Variants in LACC1 observed in about 807,000 individuals in gnomAD.
The protein encoded by LACC1 is laccase domain multifunctional purine nucleosidase 1, also known as purine nucleoside phosphorylase LACC1.
In LACC1, 25 loss-of-function variants were observed where a neutral mutation model predicts 34.8. The ratio of observed to expected loss-of-function variants is 0.72; its 90% confidence interval spans 0.52 to 1.00. The LOEUF is 1.00. Among genes scored for constraint, LACC1 ranks in the 50% least tolerant of loss-of-function variants. The probability of loss-of-function intolerance (pLI) is 0.00; values close to 1 mark genes in which losing one functional copy is unlikely to be tolerated. For synonymous variants in LACC1, 162 were observed against 168.0 expected (o/e 0.96, Z 0.28); for missense variants, 426 against 511.2 (o/e 0.83, Z 1.61).
At position 43,881,433 on chromosome 13, in the gene LACC1, A is replaced by G. The variant is rs1274542932; in HGVS notation, c.448A>G (p.Asn150Asp). 1 of 1,614,150 alleles carries G rather than the reference A, an allele frequency of 6.2e-7. No homozygotes were observed. Among genetic ancestry groups the G allele is most frequent in the East Asian group, 2.2e-5 (1 of 44,874 alleles). ...GCTTTTTAAACAGTCCATTGAAATA[A>G]ACGTAATCACAGCTCAAGAACTAAG... ...GGLFKQSIEI[N>D]VITAQELRGI... is the part of the protein sequence containing the mutation. Residue 150 changes from asparagine (N) to aspartate (D), a missense_variant, in exon 2 of 7, where the codon AAC (asparagine) becomes GAC (aspartate). Physicochemically the swap from Asn to Asp is conservative, Grantham distance 23. Coordinates refer to ENST00000325686, the MANE Select transcript of LACC1 (RefSeq NM_153218.4).
rs144163555 is a variant in LACC1 at position 43,883,887 on chromosome 13, G to A, written c.858G>A (p.Pro286=). The change falls in exon 4 of 7, where the codon CCG becomes CCA. Residue 286 remains proline (P), a synonymous_variant. Coordinates refer to ENST00000325686, the MANE Select transcript of LACC1 (RefSeq NM_153218.4). ...CAGCTCTTGGTGCAGACTGTATACC[G>A]ATAGTTTTTGCAGATCCAGTCAAAA... The part of the protein sequence containing the change: ...TIAALGADCI[P]IVFADPVKKA... The A allele has an allele frequency of 1.8e-4, 293 of 1,613,084 alleles. No individual in the cohort carries two copies. In the African/African-American group the frequency reaches 2.2e-3, roughly 12 times the overall value.
At position 43,888,926 on chromosome 13, in the gene LACC1, A is replaced by C. The variant is rs770273270; in HGVS notation, c.1077A>C (p.Ala359=). ...AGGCATTTCATAATCTTCATCCTGC[A>C]TGTGTACAACTATTTGATTCACCAA... ...SAEAFHNLHP[A]CVQLFDSPNP... The change falls in exon 5 of 7, where the codon GCA becomes GCC. Residue 359 remains alanine, a synonymous_variant. Transcript: ENST00000325686. The C allele has an allele frequency of 1.9e-6, 3 of 1,613,934 alleles. No individual in the cohort carries two copies. In the Admixed American group the frequency reaches 5.0e-5, roughly 27 times the overall value.
chr13:43,891,624 A>G lies in LACC1; in HGVS notation c.*177A>G. ...ATGATTTTCATTTAATTGTAATAAT[A>G]ACTGACAAAAATCAGTATGTTGTAG... On this transcript the variant is annotated 3_prime_UTR_variant, in exon 7 of 7. Transcript: ENST00000325686. 1 of 757,728 alleles carries G rather than the reference A, an allele frequency of 1.3e-6. No homozygotes were observed. The highest frequency in any genetic ancestry group is 6.1e-5 in the South Asian group (1 of 16,466). The allele number at this position is 757,728 out of a possible 1,614,324, so 46.9% of individuals were successfully genotyped here.
At position 43,891,671 on chromosome 13, in the gene LACC1, AAT is replaced by A. The variant is rs1419582814; in HGVS notation, c.*225_*226del. The A allele has an allele frequency of 5.9e-6, 3 of 504,278 alleles. No homozygotes were observed. Among genetic ancestry groups the A allele is most frequent in the Non-Finnish European group, 7.7e-6 (3 of 390,416 alleles). 31.2% of individuals were successfully genotyped at this position (504,278 alleles called of 1,614,324 possible). ...GTAGCTAATATGTTTTATGCATGAGAATTATTCTTAAAGTTTGTTCTCCCTGT... is the reference window on the plus strand; with the variant it reads ...GTAGCTAATATGTTTTATGCATGAGATATTCTTAAAGTTTGTTCTCCCTGT... On this transcript the variant is annotated 3_prime_UTR_variant, in exon 7 of 7. Coordinates refer to ENST00000325686, the MANE Select transcript of LACC1 (RefSeq NM_153218.4).
chr13:43,889,946 A>G, intron 5 of LACC1, 168 bp from the exon 6 acceptor site: 1 of 566,516 alleles, frequency 1.8e-6, no homozygotes, highest in South Asian at 2.6e-5. Flanking sequence ...AAAGTGTAGC[A>G]TTTTTTTCCC....
Position 43,881,034 on chromosome 13 carries a change from C to G in LACC1, c.49C>G (p.Gln17Glu). The G allele has an allele frequency of 6.2e-7, 1 of 1,613,964 alleles. No individual in the cohort carries two copies. The highest frequency in any genetic ancestry group is 2.2e-5 in the East Asian group (1 of 44,878). Residue 17 changes from glutamine to glutamate, a missense_variant, in exon 2 of 7, where the codon CAA (glutamine) becomes GAA (glutamate). Coordinates refer to ENST00000325686, the MANE Select transcript of LACC1 (RefSeq NM_153218.4). ...TCTTTTTGGTTTGAAATTGAACTCT[C>G]AAAAAAACTGCCATCAGACATTACT... is the stretch of plus-strand genomic sequence containing the variant. The part of the protein sequence containing the change: ...IDLFGLKLNS[Q>E]KNCHQTLLKT...
rs559933666 is a variant in LACC1 at position 43,887,564 on chromosome 13, G to T, written c.908-1193G>T. Among the ~76,000 whole-genome samples, 8 of 152,230 alleles carry T rather than the reference G, an allele frequency of 5.3e-5. No individual in the cohort carries two copies. The South Asian group carries it at 1.7e-3, about 32-fold the overall frequency. On this transcript the variant is annotated intron_variant, in intron 4 of 6. Coordinates refer to ENST00000325686, the MANE Select transcript of LACC1 (RefSeq NM_153218.4). ...AAGATGGCAAGGGAACGATAGTCTG[G>T]GCAAGTGGGAAGGGAGTAAAAAGAG...
chr13:43,882,025 AAC>A (rs1184585409), intron 2 of LACC1, among the ~76,000 whole-genome samples, 158 bp from the exon 3 acceptor site: 1 of 152,236 alleles, frequency 6.6e-6, no homozygotes, highest in East Asian at 1.9e-4. Flanking sequence ...GTGTAAAACA[AAC>A]ACAAAGCAGA....
chr13:43,879,827 T>TGGCG, upstream of LACC1: 1 of 52,380 alleles, frequency 1.9e-5, no homozygotes. Flanking sequence ...GTGGGCGAGG[T>TGGCG]GGGCGAGGTG....
At position 43,880,981 on chromosome 13, in the gene LACC1, C is replaced by A. The variant is rs1210386225; in HGVS notation, c.-5C>A. On this transcript the variant is annotated 5_prime_UTR_variant, in exon 2 of 7. Transcript: ENST00000325686. ...TTTATTTGGCATAAAAGTATTCTTT[C>A]AAGGATGGCAGAAGCTGTTTTGATT... 10 of 1,605,452 alleles carry A rather than the reference C, an allele frequency of 6.2e-6. No homozygotes were observed. The highest frequency in any genetic ancestry group is 1.3e-5 in the African/African-American group (1 of 74,402).
chr13:43,888,149 T>C (rs975722481), intron 4 of LACC1, among the ~76,000 whole-genome samples: 1 of 152,126 alleles, frequency 6.6e-6, no homozygotes, highest in Admixed American at 6.6e-5. Context: ...TACTACAATA[T>C]AGATGAACCT....
chr13:43,885,381 A>G (rs1955265034), intron 4 of LACC1, among the ~76,000 whole-genome samples: 1 of 152,202 alleles, frequency 6.6e-6, no homozygotes, highest in African/African-American at 2.4e-5. Flanking sequence ...AGTTACCAAA[A>G]CAGCATGGTA....
intron 1 of LACC1, 143 bp from the exon 2 acceptor site, chr13:43,880,809 C>G: frequency 1.7e-6 from 1 of 574,512 alleles, no homozygotes; most frequent in South Asian, 2.6e-5. Context: ...AGTAGACTGG[C>G]TTTTCTGGGA....
At position 43,885,773 on chromosome 13, in the gene LACC1, T is replaced by A. The variant is rs572539300; in HGVS notation, c.907+1837T>A. Among the ~76,000 whole-genome samples the A allele has an allele frequency of 2.0e-5, 3 of 152,138 alleles. No individual in the cohort carries two copies. In the South Asian group the frequency reaches 6.3e-4, roughly 32 times the overall value. ...ATAGTCAAGTGGGACCCAATTAAAC[T>A]AAGGAGCTTCTGCACAGCAAAAGAA... On this transcript the variant is annotated intron_variant, in intron 4 of 6. Coordinates refer to ENST00000325686, the MANE Select transcript of LACC1 (RefSeq NM_153218.4).
chr13:43,883,112 G>A (rs1045108599), intron 3 of LACC1, among the ~76,000 whole-genome samples: 2 of 152,164 alleles, frequency 1.3e-5, no homozygotes, highest in South Asian at 2.1e-4. Flanking sequence ...GTCAGTGACC[G>A]GGTGGGTAAT....
upstream of LACC1, chr13:43,879,538 G>C (rs1161780570): frequency 6.6e-6 from 1 of 152,324 alleles, no homozygotes; most frequent in Non-Finnish European, 1.5e-5. Flanking sequence ...AGGCAGCAGC[G>C]GGCTCGCGGC....
At chr13:43,879,736 T>TG (rs1185667438), upstream of LACC1, 1 of 134,586 alleles carries the variant, frequency 7.4e-6, no homozygotes, top group Non-Finnish European at 1.6e-5. Context: ...CGCGGCGAGG[T>TG]AGGTGAGGTG....
Position 43,893,640 on chromosome 13 carries a change from C to T in LACC1, c.*2193C>T, listed in dbSNP as rs1266183781. ...TTGTTTAGTTTAATTCTATATCTCC[C>T]TTAGACCAGTGTTAAATTTAAATAA... On this transcript the variant is annotated 3_prime_UTR_variant, in exon 7 of 7. Transcript: ENST00000325686. 1 of 151,938 alleles carries T rather than the reference C, an allele frequency of 6.6e-6. No individual in the cohort carries two copies. Among genetic ancestry groups the T allele is most frequent in the Non-Finnish European group, 1.5e-5 (1 of 67,844 alleles). The allele number at this position is 151,938 out of a possible 1,614,324, so 9.4% of individuals were successfully genotyped here.
At chr13:43,882,562 C>CAG (rs1294135119) in intron 3 of LACC1, among the ~76,000 whole-genome samples, 199 bp downstream of exon 3, 1 of 26,938 alleles carries the variant, frequency 3.7e-5, no homozygotes, top group Non-Finnish European at 1.1e-4. Flanking sequence ...CACACACGTG[C>CAG]AGATATATAT....
Sources: allele counts gnomAD v4.1 joint callset (sites outside exome capture counted in the v4.1 genomes callset), GRCh38; gene constraint gnomAD v4.1.1; transcripts MANE v1.5; gene names NCBI Gene and HGNC (gene_info 2026-07-23, HGNC 2026-07-21).